MAPK10: variants seen among roughly 807,000 people sequenced by gnomAD.
MAPK10 encodes the protein JNK3 alpha protein kinase.
In MAPK10, 25 loss-of-function variants were observed where a neutral mutation model predicts 59.3. That is an observed-to-expected ratio of 0.42 (90% CI 0.31 to 0.59). MAPK10 has a LOEUF of 0.59. Ranked by LOEUF, MAPK10 falls within the 20% of genes least tolerant of loss-of-function variation. The probability of loss-of-function intolerance (pLI) is 0.15; values close to 1 mark genes in which losing one functional copy is unlikely to be tolerated. For missense variants in MAPK10, 351 were observed against 568.9 expected, an observed-to-expected ratio of 0.62 and a Z score of 3.90; for synonymous variants, 190 against 200.5, an observed-to-expected ratio of 0.95 and a Z score of 0.44.
chr4:86,335,150 C>T (rs1439693475), intron 2 of MAPK10: 2 of 152,156 alleles, frequency 1.3e-5, no homozygotes, highest in Non-Finnish European at 2.9e-5. Context: ...AATTTCATCT[C>T]CATAGCCTGA....
intron 2 of MAPK10, among the ~76,000 whole-genome samples, chr4:86,280,505 G>A (rs779598860): frequency 1.3e-5 from 2 of 152,190 alleles, no homozygotes; most frequent in Admixed American, 1.3e-4. Flanking sequence ...CTGTTGGAGG[G>A]AATGTAAATT....
intron 2 of MAPK10, among the ~76,000 whole-genome samples, chr4:86,208,039 G>A (rs974712161): frequency 2.0e-5 from 3 of 152,052 alleles, no homozygotes; most frequent in Non-Finnish European, 2.9e-5. Flanking sequence ...GACTAAACCA[G>A]GAAGAAGTTG....
chr4:86,304,493 C>T (rs1229001822), intron 2 of MAPK10, among the ~76,000 whole-genome samples: 35 of 149,596 alleles, frequency 2.3e-4, no homozygotes, highest in Non-Finnish European at 3.0e-5. Flanking sequence ...CCCAGGTTCA[C>T]GCCATTCTCC....
intron 1 of MAPK10, among the ~76,000 whole-genome samples, chr4:86,518,442 T>G (rs1756866698): frequency 6.6e-6 from 1 of 152,256 alleles, no homozygotes; most frequent in Non-Finnish European, 1.5e-5. Flanking sequence ...TTTGTAATTC[T>G]GTGGTATCGG....
intron 1 of MAPK10, among the ~76,000 whole-genome samples, chr4:86,451,275 C>T (rs115775099): frequency 0.012 from 1,787 of 152,200 alleles, 22 homozygotes; most frequent in Non-Finnish European, 0.018. Flanking sequence ...CCCAAACCTT[C>T]CAGAAACCCA....
chr4:86,064,280 C>T lies in MAPK10; in HGVS notation c.1096G>A (p.Ala366Thr), dbSNP rs770847268. ...CTATTTCTTACCGCCTCCACTTCGG[C>T]TGGGTCATACCAGACGTTGATGTAG... ...HPYINVWYDP[A>T]EVEAPPPQIY... The change falls in exon 11 of 14, where the codon GCC (alanine) becomes ACC (threonine). Residue 366 changes from alanine (A) to threonine (T), a missense_variant. Ala to Thr is a moderately conservative substitution (Grantham distance 58, BLOSUM62 0). Transcript: ENST00000641462. The T allele has an allele frequency of 3.1e-6, 5 of 1,613,982 alleles. No homozygotes were observed. In the African/African-American group the frequency reaches 4.0e-5, roughly 13 times the overall value.
At chr4:86,155,092 A>G (rs1013655617) in intron 4 of MAPK10, among the ~76,000 whole-genome samples, 8 of 152,076 alleles carry the variant, frequency 5.3e-5, no homozygotes, top group African/African-American at 7.2e-5. Context: ...CGGATGGAGT[A>G]AATCAAATTC....
intron 2 of MAPK10, among the ~76,000 whole-genome samples, chr4:86,283,190 C>T (rs754781378): frequency 4.6e-5 from 7 of 152,118 alleles, no homozygotes; most frequent in African/African-American, 1.4e-4. Flanking sequence ...CCTATAGAAG[C>T]TAATTACCCT....
At chr4:86,496,894 G>A (rs182212986) in intron 1 of MAPK10, among the ~76,000 whole-genome samples, 1 of 151,954 alleles carries the variant, frequency 6.6e-6, no homozygotes, top group East Asian at 1.9e-4. Flanking sequence ...ATCCAGTTCT[G>A]CCTCCCATCC....
chr4:86,149,087 C>T (rs1325364246), intron 4 of MAPK10, among the ~76,000 whole-genome samples: 1 of 152,102 alleles, frequency 6.6e-6, no homozygotes, highest in Non-Finnish European at 1.5e-5. Flanking sequence ...TTCCATTGTT[C>T]CCAAATTTCT....
intron 2 of MAPK10, among the ~76,000 whole-genome samples, chr4:86,221,892 C>T (rs978638270): frequency 2.0e-5 from 3 of 152,062 alleles, no homozygotes; most frequent in African/African-American, 7.2e-5. Flanking sequence ...GGGTTAGCAC[C>T]ATCCCCTCAG....
At chr4:86,228,880 T>A (rs1020288477) in intron 2 of MAPK10, among the ~76,000 whole-genome samples, 3 of 152,204 alleles carry the variant, frequency 2.0e-5, no homozygotes, top group Non-Finnish European at 1.5e-5. Flanking sequence ...ACAATGACTA[T>A]AAAATATAGT....
chr4:86,532,027 A>T (rs1757887636), intron 1 of MAPK10, among the ~76,000 whole-genome samples: 1 of 148,936 alleles, frequency 6.7e-6, no homozygotes, highest in Non-Finnish European at 1.5e-5. Flanking sequence ...CTGTCTCTAA[A>T]TTTTTTTAAT....
In MAPK10 at chr4:86,130,823, G is replaced by T. The variant is rs9684602; in HGVS notation, c.237-23471C>A. Among the ~76,000 whole-genome samples, 809 of 152,238 alleles carry T rather than the reference G, an allele frequency of 5.3e-3. 8 individuals carry two copies. Among genetic ancestry groups the T allele is most frequent in the African/African-American group, 0.018 (759 of 41,534 alleles). ...ATGAAATTGTCACTTAGGGCAGTAG[G>T]AATGTAAATGGGCTGGAGATCCTGA... is the stretch of plus-strand genomic sequence containing the variant. On this transcript the variant is annotated intron_variant, in intron 4 of 13. Coordinates refer to ENST00000641462, the MANE Select transcript of MAPK10 (RefSeq NM_138982.4).
rs544640516 is a variant in MAPK10 at position 86,254,901 on chromosome 4, A to C, written c.-6-60494T>G. Among the ~76,000 whole-genome samples the C allele has an allele frequency of 1.8e-4, 27 of 152,236 alleles. 1 individual carries two copies. In the South Asian group the frequency reaches 5.6e-3, roughly 32 times the overall value. On this transcript the variant is annotated intron_variant, in intron 2 of 13. Coordinates refer to ENST00000641462, the MANE Select transcript of MAPK10 (RefSeq NM_138982.4). ...TTTGTAAGTATTCTCGGAAATACCA[A>C]AACGCTTGCTCTGATCACACTTATT... is the stretch of plus-strand genomic sequence containing the variant.
intron 7 of MAPK10, among the ~76,000 whole-genome samples, chr4:86,101,595 C>A (rs1254116408): frequency 1.3e-5 from 2 of 152,144 alleles, no homozygotes; most frequent in Non-Finnish European, 2.9e-5. Flanking sequence ...CCAGAAACAT[C>A]TATGGAAATG....
intron 1 of MAPK10, among the ~76,000 whole-genome samples, chr4:86,544,743 T>A (rs1759007616): frequency 1.3e-5 from 2 of 152,244 alleles, no homozygotes; most frequent in African/African-American, 2.4e-5. Flanking sequence ...GGGACAATAG[T>A]TGTATTGAAT....
intron 1 of MAPK10, among the ~76,000 whole-genome samples, chr4:86,516,629 T>TTG (rs1554276089): frequency 3.0e-5 from 4 of 132,964 alleles, no homozygotes; most frequent in African/African-American, 1.1e-4. Flanking sequence ...TAAGGGTTTT[T>TTG]TTGTTGTTGT....
intron 1 of MAPK10, among the ~76,000 whole-genome samples, chr4:86,402,366 T>A (rs1743836096): frequency 6.6e-6 from 1 of 152,136 alleles, no homozygotes. Flanking sequence ...TCTAATTCAG[T>A]TTTAACATAG....
Sources: allele counts gnomAD v4.1 joint callset (sites outside exome capture counted in the v4.1 genomes callset), GRCh38; gene constraint gnomAD v4.1.1; transcripts MANE v1.5; gene names NCBI Gene and HGNC (gene_info 2026-07-23, HGNC 2026-07-21).